Variants in ERICH1 observed in about 807,000 individuals in gnomAD.
ERICH1 encodes glutamate rich 1, also known as glutamate-rich protein 1.
In ERICH1, 56 loss-of-function variants were observed where a neutral mutation model predicts 39.6. The ratio of observed to expected loss-of-function variants is 1.41; its 90% confidence interval spans 1.14 to 1.77. The LOEUF (loss-of-function observed/expected upper bound fraction) is 1.77, where lower values mean the gene tolerates loss of function less well. Among genes scored for constraint, ERICH1 ranks in the 40% most tolerant of loss-of-function variants. The probability of loss-of-function intolerance (pLI) is 0.00; values close to 1 mark genes in which losing one functional copy is unlikely to be tolerated. For missense variants in ERICH1, 826 were observed against 575.4 expected, an observed-to-expected ratio of 1.44 and a Z score of -4.45; for synonymous variants, 313 against 223.6, an observed-to-expected ratio of 1.40 and a Z score of -3.57.
At position 715,894 on chromosome 8, in the gene ERICH1, T is replaced by C. The variant is rs749674946; in HGVS notation, c.136A>G (p.Lys46Glu). ...QNPPKKVTSEKVSQKHAEPLT... is the reference protein window; with the variant it reads ...QNPPKKVTSEEVSQKHAEPLT... ...GGCTCAGCATGTTTCTGGCTCACTT[T>C]CTCAGAGGTCACTTTCTTTGGTGGA... Residue 46 changes from lysine to glutamate, a missense_variant, in exon 2 of 6, where the codon AAA becomes GAA. Coordinates refer to ENST00000262109, the MANE Select transcript of ERICH1 (RefSeq NM_207332.3). 38 of 1,613,736 alleles carry C rather than the reference T, an allele frequency of 2.4e-5. No homozygotes were observed. The highest frequency in any genetic ancestry group is 3.1e-5 in the Non-Finnish European group (37 of 1,179,916).
At chr8:694,246 C>G (rs1303286110) in intron 2 of ERICH1, among the ~76,000 whole-genome samples, 3 of 152,208 alleles carry the variant, frequency 2.0e-5, no homozygotes, top group South Asian at 4.1e-4. Flanking sequence ...TAATCTGATT[C>G]ACCGCAGCTG....
chr8:688,944 G>C lies in ERICH1; in HGVS notation c.304+3534C>G, dbSNP rs549122065. Reference sequence around the variant, plus strand: ...TGCTAGTGACTGCACAATGAATAAGGAACAAGATTTTAAATGACAGTTTTA... The same window carrying C: ...TGCTAGTGACTGCACAATGAATAAGCAACAAGATTTTAAATGACAGTTTTA... On this transcript the variant is annotated intron_variant, in intron 3 of 5. Coordinates refer to ENST00000262109, the MANE Select transcript of ERICH1 (RefSeq NM_207332.3). 4.6e-5 allele frequency among the ~76,000 whole-genome samples: 7 copies of C among 152,238 alleles called. No individual in the cohort carries two copies. The South Asian group carries it at 1.5e-3, about 32-fold the overall frequency.
chr8:630,066 A>C (rs1584958145), intron 3 of ERICH1, among the ~76,000 whole-genome samples: 1 of 120,062 alleles, frequency 8.3e-6, no homozygotes, highest in African/African-American at 3.4e-5. Context: ...GCTGACTCAC[A>C]CCCTCCTGTG....
Position 621,857 on chromosome 8 carries a change from A to T in ERICH1, c.977-6573T>A, listed in dbSNP as rs191804463. ...AGTTAAATACAATTCCTAGAAAAAC[A>T]TAAACTACCCAAACCAACTCAAAAG... On this transcript the variant is annotated intron_variant, in intron 3 of 3. Coordinates refer to the ERICH1 transcript ENST00000522706. Among the ~76,000 whole-genome samples the T allele has an allele frequency of 2.2e-3, 335 of 152,352 alleles. 2 individuals are homozygous for T. The highest frequency in any genetic ancestry group is 7.3e-3 in the African/African-American group (304 of 41,588).
At chr8:677,491 C>T (rs530517220) in intron 3 of ERICH1, among the ~76,000 whole-genome samples, 43 of 152,350 alleles carry the variant, frequency 2.8e-4, no homozygotes, top group Non-Finnish European at 5.0e-4. Flanking sequence ...TCATCTCGCT[C>T]CTCACTCACC....
At chr8:686,453 A>AC (rs1377820555) in intron 3 of ERICH1, among the ~76,000 whole-genome samples, 24 of 58,866 alleles carry the variant, frequency 4.1e-4, no homozygotes, top group East Asian at 1.2e-3. Context: ...CAAGCTAAAA[A>AC]AAAAAAAAAA....
chr8:703,420 C>T (rs1812591518), intron 2 of ERICH1, among the ~76,000 whole-genome samples: 1 of 152,108 alleles, frequency 6.6e-6, no homozygotes. Context: ...ACAGCAGACA[C>T]GAGATCTGCT....
Position 708,681 on chromosome 8 carries a change from GTTTTTTTT to G in ERICH1, c.169+7172_169+7179del, listed in dbSNP as rs139731216. Among the ~76,000 whole-genome samples, 386 of 65,750 alleles carry G rather than the reference GTTTTTTTT, an allele frequency of 5.9e-3. 3 individuals carry two copies. Among genetic ancestry groups the G allele is most frequent in the African/African-American group, 0.02 (359 of 17,518 alleles). 43.1% of individuals were successfully genotyped at this position (65,750 alleles called of 152,430 possible). On this transcript the variant is annotated intron_variant, in intron 2 of 5. Coordinates refer to ENST00000262109, the MANE Select transcript of ERICH1 (RefSeq NM_207332.3). ...GGGCTGAGTGGTTACGGGATAATGA[GTTTTTTTT>G]TTTTTTTTTTTTTTTTTTTTTTGAG...
At chr8:663,166 C>T (rs1397444481), downstream of ERICH1, among the ~76,000 whole-genome samples, 1 of 152,184 alleles carries the variant, frequency 6.6e-6, no homozygotes, top group African/African-American at 2.4e-5. Context: ...CCAGAAGGTT[C>T]CAACATGTAG....
chr8:717,104 T>G (rs969422338), intron 1 of ERICH1, among the ~76,000 whole-genome samples: 1 of 152,162 alleles, frequency 6.6e-6, no homozygotes, highest in South Asian at 2.1e-4. Flanking sequence ...ACAAGGTGGC[T>G]GCTCACTCAG....
intron 2 of ERICH1, 149 bp from the exon 3 acceptor site, chr8:692,761 C>T (rs905467855): frequency 2.7e-5 from 27 of 991,100 alleles, no homozygotes; most frequent in Non-Finnish European, 3.3e-5. Flanking sequence ...GTCATAAATA[C>T]TGATTTTAAT....
intron 1 of ERICH1, among the ~76,000 whole-genome samples, chr8:726,599 C>A (rs1158848432): frequency 6.6e-6 from 1 of 151,700 alleles, no homozygotes; most frequent in Non-Finnish European, 1.5e-5. Context: ...CATACACACA[C>A]AGGCACACAT....
chr8:638,409 C>A (rs987580804), intron 3 of ERICH1, among the ~76,000 whole-genome samples: 8 of 152,166 alleles, frequency 5.3e-5, no homozygotes, highest in African/African-American at 1.9e-4. Flanking sequence ...GCTTCCGTTA[C>A]AGTGCGGTGG....
intron 3 of ERICH1, among the ~76,000 whole-genome samples, chr8:679,554 G>T (rs1241306828): frequency 6.6e-6 from 1 of 152,306 alleles, no homozygotes; most frequent in East Asian, 1.9e-4. Flanking sequence ...TCTCTCCCGT[G>T]GATGCTGCTA....
intron 3 of ERICH1, among the ~76,000 whole-genome samples, chr8:628,294 T>C (rs1797716328): frequency 6.6e-6 from 1 of 152,242 alleles, no homozygotes; most frequent in Non-Finnish European, 1.5e-5. Flanking sequence ...GAGCTGGCTG[T>C]GGGTGGACCT....
chr8:720,807 G>C (rs1817146536), intron 1 of ERICH1, among the ~76,000 whole-genome samples: 1 of 152,194 alleles, frequency 6.6e-6, no homozygotes, highest in Non-Finnish European at 1.5e-5. Context: ...CCTAGTGAAG[G>C]AAAACGTCTT....
chr8:668,491 T>C (rs1465510248), intron 5 of ERICH1, 107 bp downstream of exon 5: 5 of 1,115,620 alleles, frequency 4.5e-6, no homozygotes, highest in Non-Finnish European at 6.8e-6. Context: ...ATGTGCAGTG[T>C]CATATTTTCC....
chr8:634,967 G>T (rs1798310046), intron 3 of ERICH1, among the ~76,000 whole-genome samples: 1 of 152,202 alleles, frequency 6.6e-6, no homozygotes, highest in Non-Finnish European at 1.5e-5. Context: ...AAGGAAGGAG[G>T]GAAAGGGATC....
intron 2 of ERICH1, among the ~76,000 whole-genome samples, chr8:715,289 T>C (rs1450673843): frequency 1.3e-5 from 2 of 152,106 alleles, no homozygotes; most frequent in East Asian, 1.9e-4. Context: ...TGCACCCAGG[T>C]GGTCTCTTCC....
Sources: gnomAD v4.1 joint callset for allele counts (sites outside exome capture counted in the v4.1 genomes callset) on GRCh38, gnomAD v4.1.1 for gene constraint, MANE v1.5 for transcripts, NCBI Gene and HGNC (gene_info 2026-07-23, HGNC 2026-07-21) for gene names.